Variants in PKNOX2 observed in about 807,000 individuals in gnomAD.
The protein encoded by PKNOX2 is homeobox protein PKNOX2.
PKNOX2 carries 14 observed loss-of-function variants against 53.1 expected under a neutral mutation model. The observed-to-expected ratio is 0.26, with a 90% CI of 0.17 to 0.41. The LOEUF is 0.41. Ranked by LOEUF, PKNOX2 falls within the 10% of genes least tolerant of loss-of-function variation. The pLI, the probability that PKNOX2 is intolerant of heterozygous loss-of-function variation, is 1.00. For synonymous variants in PKNOX2, 257 were observed against 242.8 expected (o/e 1.06, Z -0.54); for missense variants, 496 against 602.8 (o/e 0.82, Z 1.85).
At chr11:125,192,845 T>C (rs1474390400) in intron 1 of PKNOX2, among the ~76,000 whole-genome samples, 1 of 152,144 alleles carries the variant, frequency 6.6e-6, no homozygotes, top group South Asian at 2.1e-4. Flanking sequence ...TTTTGCTTTT[T>C]TGAGGGAAAG....
At chr11:125,186,982 G>A (rs1463952040) in intron 1 of PKNOX2, among the ~76,000 whole-genome samples, 2 of 152,112 alleles carry the variant, frequency 1.3e-5, no homozygotes, top group Non-Finnish European at 1.5e-5. Flanking sequence ...TTTCCCCATT[G>A]AACGGACTTG....
At chr11:125,358,449 G>A (rs1429873047) in intron 4 of PKNOX2, among the ~76,000 whole-genome samples, 2 of 152,212 alleles carry the variant, frequency 1.3e-5, no homozygotes, top group African/African-American at 4.8e-5. Flanking sequence ...CCTCTTCTTG[G>A]CCTCCTGTCA....
chr11:125,327,901 G>A (rs982860527), intron 2 of PKNOX2, among the ~76,000 whole-genome samples: 4 of 152,180 alleles, frequency 2.6e-5, no homozygotes, highest in African/African-American at 9.7e-5. Context: ...ACCTCTGATC[G>A]TCCTTCCTCT....
intron 1 of PKNOX2, among the ~76,000 whole-genome samples, chr11:125,233,794 G>T (rs1264735617): frequency 1.3e-5 from 2 of 152,130 alleles, no homozygotes; most frequent in Admixed American, 1.3e-4. Context: ...TTCCAAAAAG[G>T]CTTGCTTGTC....
At chr11:125,351,414 C>A in intron 4 of PKNOX2, 22 bp downstream of exon 4, 3 of 1,493,880 alleles carry the variant, frequency 2.0e-6, no homozygotes, top group Non-Finnish European at 2.8e-6. Flanking sequence ...GGGGCCGCTG[C>A]CTCCCACCAC....
chr11:125,202,274 C>A (rs1364176203), intron 1 of PKNOX2, among the ~76,000 whole-genome samples: 1 of 152,202 alleles, frequency 6.6e-6, no homozygotes, highest in Admixed American at 6.5e-5. Flanking sequence ...GCAGCTGGGA[C>A]CCTCCTTGCC....
At chr11:125,383,327 C>T (rs905798137) in intron 5 of PKNOX2, among the ~76,000 whole-genome samples, 3 of 151,518 alleles carry the variant, frequency 2.0e-5, no homozygotes, top group Non-Finnish European at 4.4e-5. Context: ...GTTGTGTTCT[C>T]GGTAGGACGT....
At chr11:125,250,208 G>T (rs1943892464) in intron 2 of PKNOX2, among the ~76,000 whole-genome samples, 1 of 151,772 alleles carries the variant, frequency 6.6e-6, no homozygotes, top group Non-Finnish European at 1.5e-5. Flanking sequence ...ATGCCACCAT[G>T]CCCAGCTTGG....
intron 1 of PKNOX2, among the ~76,000 whole-genome samples, chr11:125,208,543 A>G (rs1939429738): frequency 6.6e-6 from 1 of 152,100 alleles, no homozygotes; most frequent in Non-Finnish European, 1.5e-5. Flanking sequence ...GGGAGTGAGA[A>G]GTAATGAAGG....
intron 6 of PKNOX2, among the ~76,000 whole-genome samples, chr11:125,388,419 A>C (rs1282512377): frequency 6.6e-6 from 1 of 152,140 alleles, no homozygotes; most frequent in Non-Finnish European, 1.5e-5. Context: ...CCGAGCAGGG[A>C]CATAAAATGA....
At chr11:125,318,214 A>G in intron 2 of PKNOX2, among the ~76,000 whole-genome samples, 1 of 151,378 alleles carries the variant, frequency 6.6e-6, no homozygotes, top group Admixed American at 6.6e-5. Flanking sequence ...TCAAGTGATT[A>G]TCCTGCCTCA....
chr11:125,307,680 T>C (rs1363099771), intron 2 of PKNOX2, among the ~76,000 whole-genome samples: 1 of 152,232 alleles, frequency 6.6e-6, no homozygotes, highest in Admixed American at 6.5e-5. Context: ...TGTATTCACT[T>C]TACTCTTTAG....
intron 1 of PKNOX2, among the ~76,000 whole-genome samples, chr11:125,185,833 T>C (rs745884016): frequency 7.9e-5 from 12 of 152,242 alleles, no homozygotes; most frequent in Non-Finnish European, 1.0e-4. Flanking sequence ...AATACTTACA[T>C]TGATATGCAA....
At chr11:125,270,669 G>A (rs1945724699) in intron 2 of PKNOX2, among the ~76,000 whole-genome samples, 2 of 152,156 alleles carry the variant, frequency 1.3e-5, no homozygotes, top group African/African-American at 4.8e-5. Flanking sequence ...CTCTTTGTTT[G>A]GAAAGCCAAT....
intron 10 of PKNOX2, among the ~76,000 whole-genome samples, chr11:125,415,595 T>C (rs1955830147): frequency 6.6e-6 from 1 of 152,162 alleles, no homozygotes; most frequent in Non-Finnish European, 1.5e-5. Flanking sequence ...CCCAAACTTA[T>C]GTGAACACTT....
chr11:125,411,128 G>C lies in PKNOX2; in HGVS notation c.816+252G>C, dbSNP rs1385317388. On this transcript the variant is annotated intron_variant, in intron 9 of 12. Transcript: ENST00000298282. ...CTTCCTATTCCTGTCTGCAGACTGA[G>C]CCGCTGTGTCCCTCAGTGGTAGAGA... 141 of 437,856 alleles carry C rather than the reference G, an allele frequency of 3.2e-4. 1 individual carries two copies. Among genetic ancestry groups the C allele is most frequent in the Non-Finnish European group, 7.1e-5 (17 of 238,826 alleles). The allele number at this position is 437,856 out of a possible 1,614,324, so 27.1% of individuals were successfully genotyped here. A position where few individuals can be genotyped will look rare whatever the true frequency, so the allele number is the denominator to read the frequency against.
chr11:125,276,510 T>A (rs1277772682), intron 2 of PKNOX2, among the ~76,000 whole-genome samples: 1 of 152,254 alleles, frequency 6.6e-6, no homozygotes, highest in Non-Finnish European at 1.5e-5. Context: ...GAGCCAGGAC[T>A]CTTTTTCTAT....
intron 5 of PKNOX2, among the ~76,000 whole-genome samples, chr11:125,371,655 G>A (rs752412042): frequency 2.0e-5 from 3 of 152,170 alleles, no homozygotes; most frequent in African/African-American, 7.2e-5. Flanking sequence ...GCGGGTGGGG[G>A]AGGAGGTTGG....
chr11:125,247,877 T>C (rs1394573044), intron 2 of PKNOX2, among the ~76,000 whole-genome samples: 1 of 152,114 alleles, frequency 6.6e-6, no homozygotes, highest in Non-Finnish European at 1.5e-5. Flanking sequence ...CTTTTTTTGC[T>C]CTCCACATGG....
Sources: allele counts gnomAD v4.1 joint callset (sites outside exome capture counted in the v4.1 genomes callset), GRCh38; gene constraint gnomAD v4.1.1; transcripts MANE v1.5; gene names NCBI Gene and HGNC (gene_info 2026-07-23, HGNC 2026-07-21).